The following MREG variants were observed in gnomAD, a reference collection of about 807,000 sequenced individuals.
MREG encodes melanoregulin.
Under a neutral mutation model 28.5 loss-of-function variants are expected in MREG, and 31 were observed. The observed-to-expected ratio is 1.09, with a 90% CI of 0.82 to 1.47. The LOEUF is 1.47. Ranked by LOEUF, MREG falls within the 40% of genes most tolerant of loss-of-function variation. The probability of loss-of-function intolerance (pLI) is 0.00; values close to 1 mark genes in which losing one functional copy is unlikely to be tolerated. For missense variants in MREG, 256 were observed against 257.4 expected, an observed-to-expected ratio of 0.99 and a Z score of 0.04; for synonymous variants, 106 against 95.2, an observed-to-expected ratio of 1.11 and a Z score of -0.66.
intron 2 of MREG, among the ~76,000 whole-genome samples, chr2:215,970,275 G>C (rs776824113): frequency 9.9e-5 from 15 of 152,042 alleles, no homozygotes; most frequent in Non-Finnish European, 1.5e-4. Flanking sequence ...CAAGGATGGG[G>C]GCCTGGAGAA....
chr2:215,974,811 C>T (rs938906007), intron 2 of MREG, among the ~76,000 whole-genome samples: 46 of 136,566 alleles, frequency 3.4e-4, no homozygotes, highest in Admixed American at 1.2e-3. Context: ...AACACAGACA[C>T]AGACACACAC....
At chr2:216,028,568 T>C (rs933804640) in intron 1 of MREG, among the ~76,000 whole-genome samples, 2 of 145,666 alleles carry the variant, frequency 1.4e-5, no homozygotes, top group African/African-American at 2.5e-5. Context: ...TCTGAAAATA[T>C]ATACAGATCA....
chr2:215,991,874 T>C (rs1693729999), intron 2 of MREG, among the ~76,000 whole-genome samples: 1 of 152,144 alleles, frequency 6.6e-6, no homozygotes, highest in African/African-American at 2.4e-5. Flanking sequence ...AATAGACCAA[T>C]AACAAGTTCT....
At chr2:216,030,724 T>TC (rs1369748364) in intron 1 of MREG, among the ~76,000 whole-genome samples, 3 of 110,072 alleles carry the variant, frequency 2.7e-5, no homozygotes, top group Admixed American at 2.0e-4. Context: ...TGTATTTCTT[T>TC]CTTTCTTTTT....
At chr2:216,010,350 TTC>T (rs1559197926) in intron 1 of MREG, among the ~76,000 whole-genome samples, 1 of 121,012 alleles carries the variant, frequency 8.3e-6, no homozygotes, top group African/African-American at 3.1e-5. Flanking sequence ...AAGAAAAGAT[TTC>T]TCTTTTTTTT....
chr2:216,015,350 T>A (rs1273801471), upstream of MREG, among the ~76,000 whole-genome samples: 1 of 150,948 alleles, frequency 6.6e-6, no homozygotes, highest in African/African-American at 2.4e-5. Context: ...TCAGGCGGAG[T>A]GAATATGGGC....
chr2:215,941,656 G>T (rs1427768722), downstream of MREG: 1 of 152,156 alleles, frequency 6.6e-6, no homozygotes, highest in African/African-American at 2.4e-5. Context: ...AATAACAAAG[G>T]TCTGAAAATT....
At chr2:216,003,614 G>C (rs1260210927) in intron 1 of MREG, among the ~76,000 whole-genome samples, 1 of 152,068 alleles carries the variant, frequency 6.6e-6, no homozygotes, top group Non-Finnish European at 1.5e-5. Context: ...ATCTCCGCTG[G>C]GATGTCTCAC....
chr2:215,941,028 C>T (rs1485854630), downstream of MREG, among the ~76,000 whole-genome samples: 1 of 152,188 alleles, frequency 6.6e-6, no homozygotes, highest in Non-Finnish European at 1.5e-5. Flanking sequence ...ACAGACGCTG[C>T]AGTTACGGTT....
upstream of MREG, among the ~76,000 whole-genome samples, chr2:216,014,657 A>AT (rs201326387): frequency 0.05 from 7,610 of 151,968 alleles, 220 homozygotes; most frequent in Middle Eastern, 0.085. Flanking sequence ...TCAAAAAAAA[A>AT]AAAATAAAAT....
At chr2:215,993,407 C>T (rs926168370) in intron 2 of MREG, among the ~76,000 whole-genome samples, 4 of 152,106 alleles carry the variant, frequency 2.6e-5, no homozygotes, top group African/African-American at 9.7e-5. Context: ...TTATACCTTA[C>T]ACAAAAATTA....
intron 1 of MREG, among the ~76,000 whole-genome samples, chr2:216,019,505 AC>A (rs955768457): frequency 2.1e-5 from 3 of 144,008 alleles, no homozygotes; most frequent in South Asian, 2.2e-4. Flanking sequence ...AAATTTTCAA[AC>A]CTTTTTTTTT....
intron 2 of MREG, among the ~76,000 whole-genome samples, chr2:215,959,025 T>C (rs2105977678): frequency 6.6e-6 from 1 of 152,278 alleles, no homozygotes; most frequent in South Asian, 2.1e-4. Context: ...CAGGATCTGC[T>C]GCCTCTAAAG....
chr2:215,952,819 T>G (rs1692523632), intron 2 of MREG, among the ~76,000 whole-genome samples: 1 of 152,144 alleles, frequency 6.6e-6, no homozygotes, highest in Non-Finnish European at 1.5e-5. Flanking sequence ...TGTTGAACAT[T>G]TCCTCTTCTT....
chr2:215,954,392 G>T (rs755026297), intron 2 of MREG, among the ~76,000 whole-genome samples: 9 of 148,152 alleles, frequency 6.1e-5, no homozygotes, highest in Non-Finnish European at 1.3e-4. Context: ...ATCTTCAGAG[G>T]AAGATGTTCA....
intron 2 of MREG, among the ~76,000 whole-genome samples, chr2:215,984,263 C>T (rs1448476539): frequency 2.0e-5 from 3 of 152,092 alleles, no homozygotes. Context: ...TGAATTACCT[C>T]CCCCCATGTC....
chr2:216,018,706 A>G (rs1477339682), intron 1 of MREG, among the ~76,000 whole-genome samples: 2 of 152,244 alleles, frequency 1.3e-5, no homozygotes, highest in Non-Finnish European at 2.9e-5. Flanking sequence ...GAGTGGCATG[A>G]CTAATGTTAC....
chr2:215,957,452 C>T (rs993997801), intron 2 of MREG, among the ~76,000 whole-genome samples: 3 of 152,070 alleles, frequency 2.0e-5, no homozygotes, highest in Non-Finnish European at 4.4e-5. Context: ...CTCCTCTCCA[C>T]TTTGTCCCCA....
At position 215,947,318 on chromosome 2, in the gene MREG, G is replaced by C. The variant is rs559803140; in HGVS notation, c.256-205C>G. Among the ~76,000 whole-genome samples, 9 of 152,288 alleles carry C rather than the reference G, an allele frequency of 5.9e-5. 2 individuals are homozygous for C. The South Asian group carries it at 1.9e-3, about 32-fold the overall frequency. On this transcript the variant is annotated intron_variant, in intron 2 of 4. Coordinates refer to ENST00000263268, the MANE Select transcript of MREG (RefSeq NM_018000.3). ...TGCTGGAGAATCTGCTCTGCACCAG[G>C]TGATATGGCACCTTGCATAAATTAT...
Sources: gnomAD v4.1 joint callset for allele counts (sites outside exome capture counted in the v4.1 genomes callset) on GRCh38, gnomAD v4.1.1 for gene constraint, MANE v1.5 for transcripts, NCBI Gene and HGNC (gene_info 2026-07-23, HGNC 2026-07-21) for gene names.